The following KRABD2 variants were observed in gnomAD, a reference collection of about 807,000 sequenced individuals.
The protein encoded by KRABD2 is KRAB domain-containing protein 2.
At chr17:8,376,327 TCA>T in the KRABD2 span, 82 of 1,217,532 alleles carry the variant, frequency 6.7e-5, no homozygotes, top group South Asian at 8.6e-5. Context: ...TACTGAGGCC[TCA>T]GTTTCCTCAT....
At chr17:8,365,394 C>G in the KRABD2 span, among the ~76,000 whole-genome samples, 1 of 152,142 alleles carries the variant, frequency 6.6e-6, no homozygotes, top group Non-Finnish European at 1.5e-5. Flanking sequence ...TTGGACCTCC[C>G]AGACCTGTTA....
the KRABD2 span, among the ~76,000 whole-genome samples, chr17:8,366,136 A>AG: frequency 6.6e-6 from 1 of 151,662 alleles, no homozygotes; most frequent in African/African-American, 2.4e-5. Context: ...CTCAAAAAAA[A>AG]AATAATAAAA....
chr17:8,364,050 G>GT, the KRABD2 span, among the ~76,000 whole-genome samples: 1 of 151,420 alleles, frequency 6.6e-6, no homozygotes. The surrounding 1 kb of genome is among the most constrained non-coding windows in gnomAD (Gnocchi z 4.4). Context: ...TGTATTTTTA[G>GT]TAGAGACAGG....
chr17:8,371,917 C>T, the KRABD2 span: 1 of 993,142 alleles, frequency 1.0e-6, no homozygotes, highest in Non-Finnish European at 1.2e-6. Flanking sequence ...GAACTTGATA[C>T]TCAGTTGTCT....
At chr17:8,374,498 A>G in the KRABD2 span, among the ~76,000 whole-genome samples, 1 of 152,018 alleles carries the variant, frequency 6.6e-6, no homozygotes, top group Non-Finnish European at 1.5e-5. Flanking sequence ...GGAAGGCCGC[A>G]GGGTCCTCTG....
the KRABD2 span, among the ~76,000 whole-genome samples, chr17:8,368,281 G>A: frequency 2.6e-5 from 4 of 152,100 alleles, no homozygotes; most frequent in African/African-American, 9.7e-5. Context: ...ACAAGAGACA[G>A]GAAAGAATAC....
the KRABD2 span, chr17:8,371,235 G>A: frequency 7.9e-7 from 1 of 1,260,644 alleles, no homozygotes; most frequent in African/African-American, 1.5e-5. Flanking sequence ...GAAAGCTGTG[G>A]GGATATTTTT....
At chr17:8,374,166 C>T in the KRABD2 span, among the ~76,000 whole-genome samples, 4 of 152,190 alleles carry the variant, frequency 2.6e-5, no homozygotes, top group Non-Finnish European at 5.9e-5. Flanking sequence ...GTGACGATGG[C>T]GGTTGTGTCG....
chr17:8,375,795 A>G, the KRABD2 span: 1 of 806,504 alleles, frequency 1.2e-6, no homozygotes, highest in East Asian at 4.1e-5. Flanking sequence ...GTGACCGTAA[A>G]TCAATCAGCT....
chr17:8,374,552 C>A, the KRABD2 span, among the ~76,000 whole-genome samples: 1 of 150,434 alleles, frequency 6.6e-6, no homozygotes, highest in African/African-American at 2.5e-5. Context: ...TATCTGCTGA[C>A]CTTCCCTCCA....
At chr17:8,363,851 ATATATATATATT>A in the KRABD2 span, among the ~76,000 whole-genome samples, 57 of 84,504 alleles carry the variant, frequency 6.7e-4, 2 homozygotes, top group Admixed American at 2.3e-3. Flanking sequence ...ATATATATAT[ATATATATATATT>A]TATTTATTTA....
chr17:8,373,149 C>CTCTCCG, the KRABD2 span, among the ~76,000 whole-genome samples: 14,481 of 150,144 alleles, frequency 0.096, 749 homozygotes, highest in Middle Eastern at 0.13. Context: ...CTCTCTCCCT[C>CTCTCCG]TCTCCGTCTC....
the KRABD2 span, chr17:8,370,448 C>T: frequency 9.4e-7 from 1 of 1,066,856 alleles, no homozygotes; most frequent in Non-Finnish European, 1.3e-6. Flanking sequence ...GGAAGACTTT[C>T]CCTCTAAAGT....
chr17:8,374,935 C>CGCAAAAAAAAAA, the KRABD2 span, among the ~76,000 whole-genome samples: 1 of 4,630 alleles, frequency 2.2e-4, no homozygotes, highest in African/African-American at 1.0e-3. Flanking sequence ...CAGACTCTGT[C>CGCAAAAAAAAAA]ACAAAAAAAA....
At chr17:8,369,193 TG>T in the KRABD2 span, 1 of 1,613,946 alleles carries the variant, frequency 6.2e-7, no homozygotes, top group Non-Finnish European at 8.5e-7. Flanking sequence ...GCTTCAGGAG[TG>T]GGATCCATGT....
At chr17:8,360,802 C>A in the KRABD2 span, among the ~76,000 whole-genome samples, 1 of 152,076 alleles carries the variant, frequency 6.6e-6, no homozygotes, top group Non-Finnish European at 1.5e-5. Flanking sequence ...ATTCAACAAC[C>A]CAAAGTCACC....
At chr17:8,376,129 T>C in the KRABD2 span, 1 of 1,231,724 alleles carries the variant, frequency 8.1e-7, no homozygotes, top group Non-Finnish European at 1.0e-6. Flanking sequence ...CGGAGGCTTC[T>C]ACCTGCCTGT....
At chr17:8,376,669 T>TC in the KRABD2 span, 12 of 983,840 alleles carry the variant, frequency 1.2e-5, no homozygotes, top group Non-Finnish European at 1.4e-5. Flanking sequence ...GGCGTCTGAA[T>TC]CCCCCTCCAC....
At chr17:8,359,132 A>G in the KRABD2 span, among the ~76,000 whole-genome samples, 2 of 152,148 alleles carry the variant, frequency 1.3e-5, no homozygotes, top group Non-Finnish European at 2.9e-5. Context: ...ATGCCCCTCA[A>G]TCTGGGTTTG....
Sources: gnomAD v4.1 joint callset for allele counts (sites outside exome capture counted in the v4.1 genomes callset) on GRCh38, gnomAD v4.1.1 for gene constraint, Gnocchi (gnomAD v3.1) non-coding constraint, MANE v1.5 for transcripts, NCBI Gene and HGNC (gene_info 2026-07-23, HGNC 2026-07-21) for gene names.